Variants in FAM118A observed in about 807,000 individuals in gnomAD.
FAM118A encodes SIR2 antiphage like 2, also known as protein FAM118A.
FAM118A carries 25 observed loss-of-function variants against 38.2 expected under a neutral mutation model. That is an observed-to-expected ratio of 0.65 (90% CI 0.48 to 0.91). The LOEUF (loss-of-function observed/expected upper bound fraction) is 0.91. Ranked by LOEUF, FAM118A falls within the 40% of genes least tolerant of loss-of-function variation. The pLI is 0.00. For synonymous variants in FAM118A, 178 were observed against 184.1 expected (o/e 0.97, Z 0.27); for missense variants, 425 against 463.3 (o/e 0.92, Z 0.76).
In FAM118A at chr22:45,336,359, G is replaced by A. The variant is rs777131470; in HGVS notation, c.1002G>A (p.Lys334=). 1 of 1,614,062 alleles carries A rather than the reference G, an allele frequency of 6.2e-7. No individual in the cohort carries two copies. The highest frequency in any genetic ancestry group is 1.1e-5 in the South Asian group (1 of 91,074). ...GNACQDCAKR[K]LEENGIEVSK... is the part of the protein sequence containing the mutation. ...CATGCCAGGACTGTGCAAAGAGGAAGTTAGAAGAGAATGGAATTGAAGTTT... is the reference window on the plus strand; with the variant it reads ...CATGCCAGGACTGTGCAAAGAGGAAATTAGAAGAGAATGGAATTGAAGTTT... Residue 334 remains lysine (K), a synonymous_variant, in exon 8 of 9, where the codon AAG becomes AAA. Transcript: ENST00000441876.
At chr22:45,312,034 A>G (rs992301877) in intron 1 of FAM118A, among the ~76,000 whole-genome samples, 2 of 152,102 alleles carry the variant, frequency 1.3e-5, no homozygotes, top group Non-Finnish European at 2.9e-5. Context: ...GGCCAGGACC[A>G]TGCTGGGCTA....
chr22:45,332,676 C>T lies in FAM118A; in HGVS notation c.903C>T (p.Asp301=). The T allele has an allele frequency of 6.2e-7, 1 of 1,611,474 alleles. No homozygotes were observed. The highest frequency in any genetic ancestry group is 1.7e-5 in the Admixed American group (1 of 59,866). Reference sequence around the variant, plus strand: ...ACCACTTTCCAGGATATGTGCAAGACCTTGCCACTCAGATCTGCAAACAGC... The same window carrying T: ...ACCACTTTCCAGGATATGTGCAAGATCTTGCCACTCAGATCTGCAAACAGC... ...CFDHFPGYVQ[D]LATQICKQQS... is the part of the protein sequence containing the mutation. Residue 301 remains aspartate, a synonymous_variant, in exon 6 of 9, where the codon GAC becomes GAT. Transcript: ENST00000441876.
chr22:45,319,100 G>T (rs1317876963), intron 1 of FAM118A: 3 of 152,216 alleles, frequency 2.0e-5, no homozygotes, highest in African/African-American at 7.2e-5. Flanking sequence ...TTTAGGATTT[G>T]AATTTGTAAC....
chr22:45,321,646 A>C (rs557968015), intron 1 of FAM118A: 2 of 153,540 alleles, frequency 1.3e-5, no homozygotes, highest in East Asian at 3.9e-4. Flanking sequence ...TGAACTCCTG[A>C]GTTCAAGCAG....
At chr22:45,333,188 T>C (rs1221857476) in intron 6 of FAM118A, among the ~76,000 whole-genome samples, 3 of 152,158 alleles carry the variant, frequency 2.0e-5, no homozygotes. Context: ...AATTAGAAGA[T>C]TGGAGTAATT....
intron 8 of FAM118A, among the ~76,000 whole-genome samples, chr22:45,339,486 GT>G (rs1275736181): frequency 6.6e-6 from 1 of 152,192 alleles, no homozygotes; most frequent in Non-Finnish European, 1.5e-5. Flanking sequence ...TTTTGATATT[GT>G]TTTGGATCAA....
chr22:45,328,671 A>G (rs913420666), intron 4 of FAM118A: 1 of 573,006 alleles, frequency 1.7e-6, no homozygotes, highest in Non-Finnish European at 3.1e-6. Context: ...GCACACTGGC[A>G]ACTTGGGAGG....
intron 6 of FAM118A, 79 bp downstream of exon 6, chr22:45,332,789 C>G (rs1601971563): frequency 6.9e-7 from 1 of 1,458,200 alleles, no homozygotes; most frequent in African/African-American, 1.4e-5. Context: ...TCTTGTTGCC[C>G]AGGCTGGAGT....
intron 1 of FAM118A, among the ~76,000 whole-genome samples, chr22:45,311,804 C>T (rs1465799724): frequency 6.6e-6 from 1 of 152,034 alleles, no homozygotes; most frequent in Non-Finnish European, 1.5e-5. Flanking sequence ...CTTTCTGGAA[C>T]GGGGCTAAGC....
chr22:45,326,824 CA>C (rs36188767), intron 3 of FAM118A, among the ~76,000 whole-genome samples: 233 of 40,480 alleles, frequency 5.8e-3, no homozygotes, highest in African/African-American at 0.013. Flanking sequence ...GACTCTGTCT[CA>C]AAAAAAAAAA....
chr22:45,323,212 G>C lies in FAM118A; in HGVS notation c.85G>C (p.Glu29Gln). The part of the protein sequence containing the change: ...LKSLIRKQPQ[E>Q]LLLVIGTGVS... ...AAGCCTCATCCGGAAACAGCCCCAGGAACTGCTCCTGGTTATCGGGACTGG... is the reference window on the plus strand; with the variant it reads ...AAGCCTCATCCGGAAACAGCCCCAGCAACTGCTCCTGGTTATCGGGACTGG... The change falls in exon 3 of 9, where the codon GAA becomes CAA. Residue 29 changes from glutamate to glutamine, a missense_variant. Glu to Gln is a conservative substitution (Grantham distance 29, BLOSUM62 2). Coordinates refer to ENST00000441876, the MANE Select transcript of FAM118A (RefSeq NM_017911.4). The C allele has an allele frequency of 1.2e-6, 2 of 1,613,900 alleles. No individual in the cohort carries two copies. The highest frequency in any genetic ancestry group is 2.7e-5 in the African/African-American group (2 of 75,046).
intron 1 of FAM118A, among the ~76,000 whole-genome samples, chr22:45,313,808 C>T (rs890712520): frequency 6.6e-6 from 1 of 152,128 alleles, no homozygotes; most frequent in African/African-American, 2.4e-5. Flanking sequence ...ACACACTGGC[C>T]GCTTGTGGCC....
Position 45,337,782 on chromosome 22 carries a change from G to A in FAM118A, c.1054+1371G>A, listed in dbSNP as rs1162961481. On this transcript the variant is annotated intron_variant, in intron 8 of 8. Transcript: ENST00000441876. ...CATCCTGCTAGTACCTCCTGAGGCC[G>A]CTTCTGCAGACCCCAGTGTGGGGTC... 7.2e-6 allele frequency: 7 copies of A among 975,020 alleles called. 1 individual carries two copies. Among genetic ancestry groups the A allele is most frequent in the Middle Eastern group, 5.3e-4 (1 of 1,886 alleles). The allele number at this position is 975,020 out of a possible 1,614,324, so 60.4% of individuals were successfully genotyped here.
chr22:45,338,533 T>G (rs1405917654), intron 8 of FAM118A, among the ~76,000 whole-genome samples: 1 of 152,204 alleles, frequency 6.6e-6, no homozygotes, highest in Admixed American at 6.5e-5. Flanking sequence ...GGCCAAGCTC[T>G]TGTTTTCTTA....
At chr22:45,309,774 C>A (rs1045943775), upstream of FAM118A, 1 of 151,756 alleles carries the variant, frequency 6.6e-6, no homozygotes, top group South Asian at 2.0e-4. Flanking sequence ...GGACCGTGGT[C>A]ACCGAGGTGG....
chr22:45,310,336 C>G (rs1234509663), intron 1 of FAM118A, among the ~76,000 whole-genome samples, 153 bp downstream of exon 1: 2 of 151,968 alleles, frequency 1.3e-5, no homozygotes, highest in African/African-American at 4.8e-5. Context: ...CAGGATCCGC[C>G]CTGCCCCTCC....
chr22:45,339,265 G>A (rs1468108616), intron 8 of FAM118A, among the ~76,000 whole-genome samples: 6 of 152,154 alleles, frequency 3.9e-5, no homozygotes, highest in Admixed American at 1.3e-4. Flanking sequence ...GTGTGGTGGC[G>A]GGCGCCTACT....
Position 45,341,881 on chromosome 22 carries a change from CTTTT to C in FAM118A, c.*1482_*1485del, listed in dbSNP as rs925448122. ...TAGGGAGGGAGAGAAGCCCTGAAAA[CTTTT>C]TTTTTCTTTTTGAAGCATGGAAAAC... On this transcript the variant is annotated 3_prime_UTR_variant, in exon 9 of 9. Transcript: ENST00000441876. The C allele has an allele frequency of 2.0e-5, 3 of 151,724 alleles. No individual in the cohort carries two copies. Among genetic ancestry groups the C allele is most frequent in the African/African-American group, 4.8e-5 (2 of 41,274 alleles). The allele number at this position is 151,724 out of a possible 1,614,324, so 9.4% of individuals were successfully genotyped here.
chr22:45,314,795 G>A (rs1246914134), intron 1 of FAM118A, among the ~76,000 whole-genome samples: 1 of 152,204 alleles, frequency 6.6e-6, no homozygotes, highest in East Asian at 1.9e-4. Flanking sequence ...ACATCTGGTG[G>A]ACAAACTGTA....
Sources: allele counts gnomAD v4.1 joint callset (sites outside exome capture counted in the v4.1 genomes callset), GRCh38; gene constraint gnomAD v4.1.1; transcripts MANE v1.5; gene names NCBI Gene and HGNC (gene_info 2026-07-23, HGNC 2026-07-21).